The following PNPLA7 variants were observed in gnomAD, a reference collection of about 807,000 sequenced individuals.
The protein encoded by PNPLA7 is patatin like domain 7, lysophospholipase.
A neutral mutation model predicts 161.7 loss-of-function variants in PNPLA7; 153 were observed. The ratio of observed to expected loss-of-function variants is 0.95; its 90% CI spans 0.83 to 1.08. The LOEUF is 1.08. Among genes scored for constraint, PNPLA7 ranks in the 50% least tolerant of loss-of-function variants. PNPLA7 has a pLI of 0.00. For synonymous variants in PNPLA7, 809 were observed against 782.1 expected, an observed-to-expected ratio of 1.03 and a Z score of -0.57; for missense variants, 1,739 against 1,856.6, an observed-to-expected ratio of 0.94 and a Z score of 1.16.
chr9:137,526,054 A>T (rs1391143307), intron 8 of PNPLA7, among the ~76,000 whole-genome samples: 1 of 151,674 alleles, frequency 6.6e-6, no homozygotes, highest in East Asian at 1.9e-4. Flanking sequence ...CTACAAACTA[A>T]TGATTAATAT....
Position 137,540,943 on chromosome 9 carries a change from A to T in PNPLA7, c.667-221T>A. On this transcript the variant is annotated intron_variant, in intron 7 of 34. Transcript: ENST00000406427. The surrounding 1 kb of genome is among the most constrained non-coding windows in gnomAD (Gnocchi z 5.1). ...CGGCAGCAAGGAAAACAGACGGAGG[A>T]GACCCCACCTCTCCATCCCATGACT... The T allele has an allele frequency of 1.9e-6, 1 of 519,566 alleles. No individual in the cohort carries two copies. The highest frequency in any genetic ancestry group is 3.5e-6 in the Non-Finnish European group (1 of 284,476). 32.2% of individuals were successfully genotyped at this position (519,566 alleles called of 1,614,324 possible). A position where few individuals can be genotyped will look rare whatever the true frequency, so the allele number is the denominator to read the frequency against.
intron 12 of PNPLA7, among the ~76,000 whole-genome samples, chr9:137,511,498 A>G (rs2488594): frequency 0.26 from 30,885 of 120,530 alleles, 4,588 homozygotes; most frequent in African/African-American, 0.48. Context: ...TAGCACCAGC[A>G]CCTGGGAAGG....
chr9:137,462,474 G>T (rs1008805631), intron 30 of PNPLA7, 143 bp from the exon 31 acceptor site: 2 of 1,419,710 alleles, frequency 1.4e-6, no homozygotes, highest in Non-Finnish European at 1.9e-6. Flanking sequence ...CCCGGCCGGG[G>T]GTCCTCCCTG....
intron 14 of PNPLA7, among the ~76,000 whole-genome samples, chr9:137,504,086 G>T (rs932605352): frequency 4.1e-5 from 5 of 120,646 alleles, no homozygotes; most frequent in African/African-American, 1.4e-4. Context: ...GAAGAAGAAG[G>T]AAGAAGAAGG....
At chr9:137,528,088 T>A (rs550638503) in intron 8 of PNPLA7, among the ~76,000 whole-genome samples, 1 of 152,254 alleles carries the variant, frequency 6.6e-6, no homozygotes, top group African/African-American at 2.4e-5. Context: ...TCTGTAGACA[T>A]GTGCACTCTT....
At chr9:137,505,445 G>T (rs1833861810) in intron 14 of PNPLA7, among the ~76,000 whole-genome samples, 169 bp downstream of exon 14, 1 of 152,182 alleles carries the variant, frequency 6.6e-6, no homozygotes, top group Non-Finnish European at 1.5e-5. Flanking sequence ...ATCTCAAGCT[G>T]CTAGCTTCCC....
At chr9:137,522,891 G>A in intron 8 of PNPLA7, 34 bp from the exon 9 acceptor site, 2 of 1,607,252 alleles carry the variant, frequency 1.2e-6, no homozygotes, top group Non-Finnish European at 1.7e-6. Context: ...CCCACTCTGT[G>A]GGCCTGGCCA....
intron 8 of PNPLA7, among the ~76,000 whole-genome samples, chr9:137,527,379 ATGTTTGCTTTCAT>A (rs1835358250): frequency 6.6e-6 from 1 of 151,962 alleles, no homozygotes; most frequent in African/African-American, 2.4e-5. Context: ...ATCAGGCACG[ATGTTTGCTTTCAT>A]TTTTTTAGTA....
intron 12 of PNPLA7, among the ~76,000 whole-genome samples, chr9:137,514,221 T>C (rs957246856): frequency 2.2e-5 from 3 of 134,300 alleles, no homozygotes; most frequent in African/African-American, 8.7e-5. Flanking sequence ...CACTCGGATG[T>C]TGATGTGCCC....
chr9:137,508,561 C>CT (rs1659114045), intron 12 of PNPLA7, among the ~76,000 whole-genome samples: 1 of 151,048 alleles, frequency 6.6e-6, no homozygotes, highest in Admixed American at 6.6e-5. Flanking sequence ...GAGCGAGACT[C>CT]TGTCTCAAAA....
At chr9:137,478,390 A>G in intron 24 of PNPLA7, 1 of 362,918 alleles carries the variant, frequency 2.8e-6, no homozygotes, top group Non-Finnish European at 4.9e-6. Flanking sequence ...CGTGGGCAAG[A>G]GAGTGGGCCC....
intron 25 of PNPLA7, 36 bp downstream of exon 25, chr9:137,477,998 A>C (rs748950239): frequency 1.5e-6 from 2 of 1,322,840 alleles, no homozygotes; most frequent in African/African-American, 1.5e-5. Context: ...CACCACACAC[A>C]CCAGTGAGGA....
intron 8 of PNPLA7, among the ~76,000 whole-genome samples, chr9:137,535,468 T>C (rs1335694733): frequency 1.3e-5 from 2 of 152,128 alleles, no homozygotes; most frequent in Non-Finnish European, 2.9e-5. Context: ...AAAAAGAACA[T>C]TCAGGGCCAG....
At chr9:137,532,522 C>T (rs1479630221) in intron 8 of PNPLA7, among the ~76,000 whole-genome samples, 1 of 152,168 alleles carries the variant, frequency 6.6e-6, no homozygotes, top group East Asian at 1.9e-4. Flanking sequence ...TAAAAAGATA[C>T]AAACCTCCAA....
chr9:137,509,405 CGTGA>C (rs1564333089), intron 12 of PNPLA7: 2 of 188,088 alleles, frequency 1.1e-5, no homozygotes, highest in Non-Finnish European at 1.1e-5. Flanking sequence ...GTTTAGCCGG[CGTGA>C]GTGAGTTTAG....
chr9:137,503,294 T>C (rs1167143158), intron 14 of PNPLA7, among the ~76,000 whole-genome samples: 1 of 151,718 alleles, frequency 6.6e-6, no homozygotes. Context: ...GGTGGGAGGA[T>C]CACTTGAGCC....
At position 137,480,438 on chromosome 9, in the gene PNPLA7, C is replaced by T; in HGVS notation, c.2454G>A (p.Glu818=). ...YRLSSWLGQQ[E]DTHRIVLYQA... Reference sequence around the variant, plus strand: ...GGTAGAGCACGATCCTGTGGGTGTCCTCCTGCTGCCCCAGCCAGCTGGACA... The same window carrying T: ...GGTAGAGCACGATCCTGTGGGTGTCTTCCTGCTGCCCCAGCCAGCTGGACA... Residue 818 remains glutamate, a synonymous_variant, in exon 23 of 35, where the codon GAG becomes GAA. Coordinates refer to ENST00000406427, the MANE Select transcript of PNPLA7 (RefSeq NM_001098537.3). 3 of 1,612,772 alleles carry T rather than the reference C, an allele frequency of 1.9e-6. No individual in the cohort carries two copies. Among genetic ancestry groups the T allele is most frequent in the Non-Finnish European group, 2.5e-6 (3 of 1,179,424 alleles).
At position 137,480,942 on chromosome 9, in the gene PNPLA7, G is replaced by C. The variant is rs377193603; in HGVS notation, c.2411+18C>G. The C allele has an allele frequency of 1.3e-6, 2 of 1,551,060 alleles. No homozygotes were observed. Among genetic ancestry groups the C allele is most frequent in the East Asian group, 2.4e-5 (1 of 40,912 alleles). ...TTGGGCCGGCTGGGAGGAAGGAGTC[G>C]GGGCTGGCGGCACGCACCTGTCCAG... On this transcript the variant is annotated intron_variant, in intron 22 of 34. Coordinates refer to ENST00000406427, the MANE Select transcript of PNPLA7 (RefSeq NM_001098537.3).
intron 7 of PNPLA7, 49 bp downstream of exon 7, chr9:137,542,593 G>A: frequency 6.8e-7 from 1 of 1,473,332 alleles, no homozygotes; most frequent in Non-Finnish European, 9.1e-7. Flanking sequence ...GACAGACGTG[G>A]AGGTAAATGC....
Sources: gnomAD v4.1 joint callset for allele counts (sites outside exome capture counted in the v4.1 genomes callset) on GRCh38, gnomAD v4.1.1 for gene constraint, Gnocchi (gnomAD v3.1) non-coding constraint, MANE v1.5 for transcripts, NCBI Gene and HGNC (gene_info 2026-07-23, HGNC 2026-07-21) for gene names.